The following MYO5A variants were observed in gnomAD, a reference collection of about 807,000 sequenced individuals.
MYO5A encodes myosin VA.
MYO5A carries 98 observed loss-of-function variants against 249.7 expected under a neutral mutation model. The observed-to-expected ratio is 0.39, with a 90% CI of 0.33 to 0.46. MYO5A has a LOEUF of 0.46. Ranked by LOEUF, MYO5A falls within the 20% of genes least tolerant of loss-of-function variation. MYO5A has a pLI of 0.98. For synonymous variants in MYO5A, 778 were observed against 810.6 expected, an observed-to-expected ratio of 0.96 and a Z score of 0.68; for missense variants, 1,696 against 2,308.8, an observed-to-expected ratio of 0.73 and a Z score of 5.44.
At chr15:52,355,790 T>C (rs568119333) in intron 25 of MYO5A, among the ~76,000 whole-genome samples, 90 of 152,320 alleles carry the variant, frequency 5.9e-4, no homozygotes, top group Non-Finnish European at 1.1e-3. Context: ...GCATTTTATA[T>C]AAGAGACTTG....
chr15:52,348,264 T>C (rs1039591806), intron 29 of MYO5A, among the ~76,000 whole-genome samples: 4 of 151,722 alleles, frequency 2.6e-5, no homozygotes, highest in Non-Finnish European at 5.9e-5. Flanking sequence ...TTGTGCTATA[T>C]AGGAAAATTC....
chr15:52,364,300 C>A (rs1322806052), intron 24 of MYO5A, among the ~76,000 whole-genome samples: 1 of 151,778 alleles, frequency 6.6e-6, no homozygotes, highest in African/African-American at 2.4e-5. Flanking sequence ...TCACATAGCC[C>A]AGTCTTTAAA....
chr15:52,466,958 G>A (rs912251849), intron 1 of MYO5A, among the ~76,000 whole-genome samples: 3 of 152,162 alleles, frequency 2.0e-5, no homozygotes, highest in Admixed American at 6.5e-5. Flanking sequence ...TGCCTGGTAC[G>A]CCACTACAAC....
In MYO5A at chr15:52,331,704, A is replaced by G. The variant is rs2038896763; in HGVS notation, c.4409-1205T>C. On this transcript the variant is annotated intron_variant, in intron 34 of 41. Coordinates refer to ENST00000399233, the MANE Select transcript of MYO5A (RefSeq NM_001382347.1). The stretch of plus-strand genomic sequence containing the variant: ...ATCACAGAGAACATCAGTACCTGCC[A>G]GTGCTCTTGCTTATGTGGCATGGAG... The G allele has an allele frequency of 4.1e-6, 4 of 985,340 alleles. No individual in the cohort carries two copies. In the South Asian group the frequency reaches 1.9e-4, roughly 46 times the overall value. 61.0% of individuals were successfully genotyped at this position (985,340 alleles called of 1,614,324 possible). A position where few individuals can be genotyped will look rare whatever the true frequency, so the allele number is the denominator to read the frequency against.
intron 1 of MYO5A, among the ~76,000 whole-genome samples, chr15:52,480,214 A>G (rs2076687394): frequency 6.6e-6 from 1 of 152,234 alleles, no homozygotes; most frequent in Non-Finnish European, 1.5e-5. Context: ...AGAACTAAAT[A>G]CTAATTGCGA....
At position 52,378,515 on chromosome 15, in the gene MYO5A, C is replaced by CAAAAAAAAAA. The variant is rs55803737; in HGVS notation, c.2208+1100_2208+1109dup. 9.2e-3 allele frequency among the ~76,000 whole-genome samples: 96 copies of CAAAAAAAAAA among 10,466 alleles called. 10 individuals carry two copies. The highest frequency in any genetic ancestry group is 0.017 in the South Asian group (1 of 60). The allele number at this position is 10,466 out of a possible 152,430, so 6.9% of individuals were successfully genotyped here. On this transcript the variant is annotated intron_variant, in intron 18 of 41. Transcript: ENST00000399233. Reference sequence around the variant, plus strand: ...CCTGGGTGAAAGAGCAAGACTGTCTCAAAAAAAAAAAAAAAAGAAGGGAAT... The same window carrying CAAAAAAAAAA: ...CCTGGGTGAAAGAGCAAGACTGTCTCAAAAAAAAAAAAAAAAAAAAAAAAAAGAAGGGAAT...
intron 1 of MYO5A, among the ~76,000 whole-genome samples, chr15:52,461,114 G>T (rs1032592321): frequency 1.3e-5 from 2 of 152,074 alleles, no homozygotes; most frequent in Non-Finnish European, 2.9e-5. Context: ...CACCATGCCT[G>T]TTTAATTTTT....
intron 15 of MYO5A, 66 bp downstream of exon 15, chr15:52,384,095 G>A: frequency 1.9e-6 from 3 of 1,598,496 alleles, no homozygotes; most frequent in Non-Finnish European, 8.6e-7. Flanking sequence ...GCTGAAGAGG[G>A]AAGATCTGAG....
chr15:52,528,729 G>A (rs1215323250), intron 1 of MYO5A, 51 bp downstream of exon 1: 2 of 1,485,116 alleles, frequency 1.3e-6, no homozygotes, highest in African/African-American at 1.5e-5. Context: ...GACAGCTGGC[G>A]GCGAGGGCCG....
intron 31 of MYO5A, among the ~76,000 whole-genome samples, chr15:52,341,199 T>C (rs1451104028): frequency 6.6e-5 from 10 of 152,198 alleles, no homozygotes; most frequent in Admixed American, 5.9e-4. Context: ...TCTACTCCTA[T>C]TCTGAAAGAC....
intron 29 of MYO5A, among the ~76,000 whole-genome samples, chr15:52,348,571 A>C (rs1456119251): frequency 1.3e-5 from 2 of 152,234 alleles, no homozygotes; most frequent in Non-Finnish European, 2.9e-5. Context: ...GCAGTGAGTC[A>C]TAGAGCTGCC....
At chr15:52,459,147 A>ATTTTTTTTTTTTTTTTTTTTTTTTTTTT (rs531798708) in intron 1 of MYO5A, among the ~76,000 whole-genome samples, 1 of 64,290 alleles carries the variant, frequency 1.6e-5, no homozygotes, top group African/African-American at 5.0e-5. Context: ...TTTTCCAGAA[A>ATTTTTTTTTTTTTTTTTTTTTTTTTTTT]TTTTTTTTTT....
At chr15:52,391,033 T>C (rs1595581412) in intron 12 of MYO5A, among the ~76,000 whole-genome samples, 1 of 152,340 alleles carries the variant, frequency 6.6e-6, no homozygotes, top group East Asian at 1.9e-4. Flanking sequence ...TATATGTATA[T>C]ACCTTGGATA....
At chr15:52,391,823 C>A in intron 12 of MYO5A, 107 bp downstream of exon 12, 1 of 1,192,854 alleles carries the variant, frequency 8.4e-7, no homozygotes. Flanking sequence ...CTTGTCACCA[C>A]GACGGCATTC....
intron 1 of MYO5A, among the ~76,000 whole-genome samples, chr15:52,501,217 C>T (rs992854019): frequency 7.9e-5 from 12 of 152,032 alleles, no homozygotes; most frequent in Non-Finnish European, 1.3e-4. Context: ...ATGATCCACC[C>T]GCCTCGGCCT....
chr15:52,486,117 T>C (rs2076814592), intron 1 of MYO5A, among the ~76,000 whole-genome samples: 1 of 152,170 alleles, frequency 6.6e-6, no homozygotes, highest in Non-Finnish European at 1.5e-5. Flanking sequence ...AACACGTATT[T>C]ACCAAGTCCC....
intron 1 of MYO5A, among the ~76,000 whole-genome samples, chr15:52,504,147 T>C (rs907356646): frequency 2.0e-5 from 3 of 151,136 alleles, no homozygotes; most frequent in African/African-American, 7.3e-5. Flanking sequence ...AAACTTGGGA[T>C]ATCCTAGAAA....
intron 1 of MYO5A, chr15:52,505,852 A>G: frequency 6.3e-7 from 1 of 1,582,168 alleles, no homozygotes; most frequent in Non-Finnish European, 8.5e-7. Context: ...GGCTGCTTTC[A>G]ACAAGATCTA....
At chr15:52,522,839 TTTA>T in intron 1 of MYO5A, among the ~76,000 whole-genome samples, 1 of 28,022 alleles carries the variant, frequency 3.6e-5, no homozygotes, top group Non-Finnish European at 2.1e-4. Flanking sequence ...TCTTTCATTA[TTTA>T]AAAAAAAAAA....
Sources: allele counts gnomAD v4.1 joint callset (sites outside exome capture counted in the v4.1 genomes callset), GRCh38; gene constraint gnomAD v4.1.1; transcripts MANE v1.5; gene names NCBI Gene and HGNC (gene_info 2026-07-23, HGNC 2026-07-21).